The following HGSNAT variants were observed in gnomAD, a reference collection of about 807,000 sequenced individuals.
The protein encoded by HGSNAT is transmembrane protein 76.
In HGSNAT, 59 loss-of-function variants were observed where a neutral mutation model predicts 85.2. That is an observed-to-expected ratio of 0.69 (90% CI 0.56 to 0.86). The LOEUF is 0.86. HGSNAT is among the 40% of genes least tolerant of loss of function. The pLI, the probability that HGSNAT is intolerant of heterozygous loss-of-function variation, is 0.00. For missense variants in HGSNAT, 756 were observed against 777.1 expected (o/e 0.97, Z 0.32); for synonymous variants, 321 against 304.5 (o/e 1.05, Z -0.56).
At position 43,161,464 on chromosome 8, in the gene HGSNAT, C is replaced by T; in HGVS notation, c.520C>T (p.Leu174Phe). The T allele has an allele frequency of 6.2e-7, 1 of 1,611,846 alleles. No homozygotes were observed. The highest frequency in any genetic ancestry group is 8.5e-7 in the Non-Finnish European group (1 of 1,178,884). ...TGTGAGCATTGCATTCCTTATTGGTCTTGCTGTCATCATTGTGATATCCTT... is the reference window on the plus strand; with the variant it reads ...TGTGAGCATTGCATTCCTTATTGGTTTTGCTGTCATCATTGTGATATCCTT... ...LPVSIAFLIGLAVIIVISFLR... is the reference protein window; with the variant it reads ...LPVSIAFLIGFAVIIVISFLR... Residue 174 changes from leucine (L) to phenylalanine (F), a missense_variant, in exon 5 of 18, where the codon CTT (leucine) becomes TTT (phenylalanine). By Grantham distance (22) the Leu-to-Phe change is conservative. Transcript: ENST00000379644.
At chr8:43,193,946 T>C (rs952511408) in intron 14 of HGSNAT, 103 bp downstream of exon 14, 19 of 1,537,448 alleles carry the variant, frequency 1.2e-5, no homozygotes, top group Middle Eastern at 2.1e-4. Flanking sequence ...ATATTCTCTC[T>C]TGTGCTATGG....
At chr8:43,194,626 T>C (rs1288142277) in intron 14 of HGSNAT, 3 of 535,632 alleles carry the variant, frequency 5.6e-6, no homozygotes, top group Non-Finnish European at 7.2e-6. Flanking sequence ...GGCAACTTGA[T>C]TGGGGCATGT....
intron 1 of HGSNAT, among the ~76,000 whole-genome samples, chr8:43,144,174 A>G (rs1802641604): frequency 6.6e-6 from 1 of 151,720 alleles, no homozygotes; most frequent in African/African-American, 2.4e-5. Flanking sequence ...GACAAAAAAA[A>G]ATTAGCTGGA....
At chr8:43,194,390 C>T (rs1563383984) in intron 14 of HGSNAT, 1 of 983,718 alleles carries the variant, frequency 1.0e-6, no homozygotes, top group African/African-American at 1.7e-5. Flanking sequence ...AGAGTGAGAC[C>T]CTGTCTCAAA....
intron 14 of HGSNAT, chr8:43,196,470 A>C (rs1177905533): frequency 7.8e-7 from 1 of 1,289,554 alleles, no homozygotes; most frequent in Admixed American, 2.3e-5. Flanking sequence ...TGTCTGACGG[A>C]ACCCTTGTCA....
Position 43,170,640 on chromosome 8 carries a change from C to T in HGSNAT, c.689C>T (p.Thr230Met), listed in dbSNP as rs200416815. 1,966 of 1,610,162 alleles carry T rather than the reference C, an allele frequency of 1.2e-3. 47 individuals are homozygous for T. The South Asian group carries it at 0.02, about 17-fold the overall frequency. Residue 230 changes from threonine (T) to methionine (M), a missense_variant, in exon 7 of 18, where the codon ACG becomes ATG. Physicochemically the swap from Thr to Met is moderately conservative, Grantham distance 81 (BLOSUM62 -1). Coordinates refer to ENST00000379644, the MANE Select transcript of HGSNAT (RefSeq NM_152419.3). ...CTCGATGGTGATGTTCAGCCAGCAA[C>T]GTGGCGTCTATCTGCCCTGCCGCCC... ...DPLDGDVQPA[T>M]WRLSALPPRL...
At chr8:43,149,783 A>T (rs1318888112) in intron 2 of HGSNAT, among the ~76,000 whole-genome samples, 2 of 152,144 alleles carry the variant, frequency 1.3e-5, no homozygotes, top group Non-Finnish European at 2.9e-5. Context: ...AAATTATAAT[A>T]ACTTCATACA....
chr8:43,179,316 G>C (rs1803944316), intron 10 of HGSNAT, among the ~76,000 whole-genome samples: 1 of 149,708 alleles, frequency 6.7e-6, no homozygotes, highest in East Asian at 2.0e-4. Flanking sequence ...AGGGGCGGCC[G>C]GGCAGAGGCG....
At chr8:43,179,496 AC>A (rs1279524848) in intron 10 of HGSNAT, among the ~76,000 whole-genome samples, 4 of 43,286 alleles carry the variant, frequency 9.2e-5, no homozygotes, top group East Asian at 5.9e-4. Context: ...AGGGGGGCTG[AC>A]CCCCCCCACC....
At chr8:43,172,623 C>G (rs1803665955) in intron 8 of HGSNAT, among the ~76,000 whole-genome samples, 2 of 152,212 alleles carry the variant, frequency 1.3e-5, no homozygotes, top group South Asian at 4.1e-4. Flanking sequence ...ATAACAGACT[C>G]TAGAAGTTTC....
intron 4 of HGSNAT, among the ~76,000 whole-genome samples, chr8:43,159,878 T>C (rs1467803408): frequency 6.6e-6 from 1 of 152,168 alleles, no homozygotes; most frequent in Non-Finnish European, 1.5e-5. Context: ...GTGCTGCCTT[T>C]TGAAAGGCAG....
At chr8:43,181,611 C>T (rs931691673) in intron 10 of HGSNAT, 2 of 154,014 alleles carry the variant, frequency 1.3e-5, no homozygotes, top group African/African-American at 4.8e-5. Flanking sequence ...GCCACTGCTT[C>T]CAGTAGGATT....
At chr8:43,190,959 T>A (rs1278479165) in intron 11 of HGSNAT, among the ~76,000 whole-genome samples, 1 of 152,206 alleles carries the variant, frequency 6.6e-6, no homozygotes, top group Non-Finnish European at 1.5e-5. Context: ...TTGTTGTCTC[T>A]ACACATGTAC....
At chr8:43,197,789 A>C in intron 16 of HGSNAT, 47 bp downstream of exon 16, 1 of 1,600,034 alleles carries the variant, frequency 6.2e-7, no homozygotes, top group Middle Eastern at 1.7e-4. Flanking sequence ...TTCATGCTGA[A>C]ATTGGATTTG....
chr8:43,146,413 A>C (rs1802712469), intron 1 of HGSNAT, among the ~76,000 whole-genome samples: 1 of 152,228 alleles, frequency 6.6e-6, no homozygotes, highest in Admixed American at 6.5e-5. Flanking sequence ...ATCGCAGCTC[A>C]GTAACGTGGT....
At position 43,169,109 on chromosome 8, in the gene HGSNAT, A is replaced by G; in HGVS notation, c.564-64A>G. 6 of 864,518 alleles carry G rather than the reference A, an allele frequency of 6.9e-6. No individual in the cohort carries two copies. The South Asian group carries it at 7.8e-5, about 11-fold the overall frequency. The allele number at this position is 864,518 out of a possible 1,614,324, so 53.6% of individuals were successfully genotyped here. On this transcript the variant is annotated intron_variant, in intron 5 of 17. Coordinates refer to ENST00000379644, the MANE Select transcript of HGSNAT (RefSeq NM_152419.3). ...AGCTTTAATTTTATTTCCATATAAT[A>G]TCCAATCATTTAAAAAATTCTGCCA...
intron 5 of HGSNAT, among the ~76,000 whole-genome samples, chr8:43,167,202 A>G (rs757271726): frequency 2.6e-5 from 4 of 152,256 alleles, no homozygotes; most frequent in Non-Finnish European, 5.9e-5. Context: ...AGAATATCAC[A>G]TAAATGTAGT....
At chr8:43,173,653 G>C (rs1463664821) in intron 8 of HGSNAT, 60 bp from the exon 9 acceptor site, 1 of 1,566,202 alleles carries the variant, frequency 6.4e-7, no homozygotes, top group African/African-American at 1.3e-5. Flanking sequence ...GTCCACACTA[G>C]ATTTAGGAGG....
intron 5 of HGSNAT, 70 bp downstream of exon 5, chr8:43,161,577 G>C: frequency 8.4e-7 from 1 of 1,192,044 alleles, no homozygotes; most frequent in Non-Finnish European, 1.2e-6. Context: ...AGGGGCAGCT[G>C]TCACCCTCAA....
Sources: allele counts gnomAD v4.1 joint callset (sites outside exome capture counted in the v4.1 genomes callset), GRCh38; gene constraint gnomAD v4.1.1; transcripts MANE v1.5; gene names NCBI Gene and HGNC (gene_info 2026-07-23, HGNC 2026-07-21).